IL1RAPL2: variants seen among roughly 807,000 people sequenced by gnomAD.
IL1RAPL2 encodes the protein X-linked interleukin-1 receptor accessory protein-like 2.
In IL1RAPL2, 3 loss-of-function variants were observed where a neutral mutation model predicts 44.1. The observed-to-expected ratio is 0.07, with a 90% CI of 0.03 to 0.18. The LOEUF (loss-of-function observed/expected upper bound fraction) is 0.18, where lower values mean the gene tolerates loss of function less well. IL1RAPL2 is among the 10% of genes least tolerant of loss of function. The pLI, the probability that IL1RAPL2 is intolerant of heterozygous loss-of-function variation, is 1.00. For missense variants in IL1RAPL2, 391 were observed against 496.4 expected, an observed-to-expected ratio of 0.79 and a Z score of 2.02; for synonymous variants, 181 against 178.8, an observed-to-expected ratio of 1.01 and a Z score of -0.10.
intron 2 of IL1RAPL2, among the ~76,000 whole-genome samples, chrX:105,058,132 C>T (rs2032022419): frequency 9.2e-6 from 1 of 109,284 alleles, no homozygotes; most frequent in African/African-American, 3.3e-5. Context: ...TTTGTATTTT[C>T]AGTAGAGATG....
At chrX:105,727,931 CAG>C (rs2038365818) in intron 7 of IL1RAPL2, among the ~76,000 whole-genome samples, 1 of 111,317 alleles carries the variant, frequency 9.0e-6, no homozygotes, top group African/African-American at 3.3e-5. Context: ...GTGGAAAGTA[CAG>C]AGTTCCCACA....
chrX:104,784,253 G>C (rs768605003), intron 2 of IL1RAPL2, among the ~76,000 whole-genome samples: 3 of 112,251 alleles, frequency 2.7e-5, no homozygotes, highest in Non-Finnish European at 5.6e-5. Context: ...GCAGCAGTGG[G>C]TTGTGTTATA....
At chrX:105,227,153 A>C (rs1274054306) in intron 3 of IL1RAPL2, among the ~76,000 whole-genome samples, 2 of 109,125 alleles carry the variant, frequency 1.8e-5, no homozygotes, top group African/African-American at 6.7e-5. Context: ...GCACACCAGC[A>C]TGGCACATGT....
In IL1RAPL2 at chrX:104,821,124, A is replaced by G. The variant is rs186567770; in HGVS notation, c.82+162129A>G. Reference sequence around the variant, plus strand: ...CACCAATTGCATTATATCTCTTCTGAAAACAATTAATATGACAACTTGTAA... The same window carrying G: ...CACCAATTGCATTATATCTCTTCTGGAAACAATTAATATGACAACTTGTAA... On this transcript the variant is annotated intron_variant, in intron 2 of 10. Coordinates refer to ENST00000372582, the MANE Select transcript of IL1RAPL2 (RefSeq NM_017416.2). 4.4e-3 allele frequency among the ~76,000 whole-genome samples: 490 copies of G among 112,354 alleles called. 1 individual carries two copies. Among genetic ancestry groups the G allele is most frequent in the African/African-American group, 0.015 (458 of 30,973 alleles).
chrX:104,697,279 G>A (rs1298533126), intron 2 of IL1RAPL2, among the ~76,000 whole-genome samples: 1 of 112,219 alleles, frequency 8.9e-6, no homozygotes, highest in Non-Finnish European at 1.9e-5. Context: ...TAGGATTTTG[G>A]TATATGTCAC....
At chrX:105,235,340 A>T (rs1431338094) in intron 4 of IL1RAPL2, among the ~76,000 whole-genome samples, 1 of 111,897 alleles carries the variant, frequency 8.9e-6, no homozygotes, top group East Asian at 2.8e-4. Context: ...ACAGCAATTG[A>T]CACACTGAAG....
intron 4 of IL1RAPL2, among the ~76,000 whole-genome samples, chrX:105,247,631 G>A (rs2034232506): frequency 9.2e-6 from 1 of 108,170 alleles, no homozygotes; most frequent in African/African-American, 3.4e-5. Flanking sequence ...GTGTGTGTGT[G>A]TGTGTGTGTG....
chrX:105,444,175 C>T (rs1368112359), intron 5 of IL1RAPL2, among the ~76,000 whole-genome samples: 2 of 111,911 alleles, frequency 1.8e-5, no homozygotes, highest in African/African-American at 6.5e-5. Context: ...CTTTGGCCAA[C>T]TTTTAATCAG....
At chrX:105,215,695 G>C (rs1179942872) in intron 3 of IL1RAPL2, among the ~76,000 whole-genome samples, 1 of 111,295 alleles carries the variant, frequency 9.0e-6, no homozygotes, top group Non-Finnish European at 1.9e-5. Context: ...GAAGAACATC[G>C]ATGTGAAAAT....
chrX:104,770,883 C>T (rs775504238), intron 2 of IL1RAPL2, among the ~76,000 whole-genome samples: 3 of 111,716 alleles, frequency 2.7e-5, no homozygotes, highest in Non-Finnish European at 5.6e-5. Flanking sequence ...CTGATCTTCT[C>T]CTTCCTCCCA....
chrX:105,606,309 A>G (rs745425078), intron 6 of IL1RAPL2, among the ~76,000 whole-genome samples: 96 of 111,882 alleles, frequency 8.6e-4, no homozygotes, highest in African/African-American at 2.9e-3. Context: ...AAAGCGCTCA[A>G]CATCACTGAT....
chrX:104,822,612 T>C (rs932412124), intron 2 of IL1RAPL2, among the ~76,000 whole-genome samples: 1 of 112,014 alleles, frequency 8.9e-6, no homozygotes, highest in African/African-American at 3.3e-5. Flanking sequence ...GGTCTATATA[T>C]CTGTTTTGGT....
intron 2 of IL1RAPL2, among the ~76,000 whole-genome samples, chrX:105,009,347 C>G (rs1442173225): frequency 1.8e-5 from 2 of 109,924 alleles, no homozygotes; most frequent in African/African-American, 6.7e-5. Context: ...TTGGAACCAA[C>G]CCAAATGTCC....
At chrX:104,823,867 C>T (rs1429768382) in intron 2 of IL1RAPL2, among the ~76,000 whole-genome samples, 2 of 112,057 alleles carry the variant, frequency 1.8e-5, no homozygotes, top group Admixed American at 9.5e-5. Context: ...TTCCTATTTG[C>T]ATACCGTTTA....
intron 2 of IL1RAPL2, among the ~76,000 whole-genome samples, chrX:105,024,536 G>A (rs1362239811): frequency 9.0e-6 from 1 of 111,683 alleles, no homozygotes; most frequent in Non-Finnish European, 1.9e-5. Context: ...TTCAGAAACA[G>A]GTGAGGACTG....
chrX:105,148,173 A>G (rs1431906962), intron 2 of IL1RAPL2, among the ~76,000 whole-genome samples: 1 of 111,440 alleles, frequency 9.0e-6, no homozygotes, highest in Non-Finnish European at 1.9e-5. Flanking sequence ...GAGTGATGAA[A>G]CACTCTTCTC....
chrX:104,867,079 C>G lies in IL1RAPL2; in HGVS notation c.82+208084C>G, dbSNP rs375219466. ...TGAAACCCCGTCTTTACTAAAAATA[C>G]AAAAAAAATTAGCCGGGCACAGTGG... On this transcript the variant is annotated intron_variant, in intron 2 of 10. Coordinates refer to ENST00000372582, the MANE Select transcript of IL1RAPL2 (RefSeq NM_017416.2). Among the ~76,000 whole-genome samples the G allele has an allele frequency of 8.4e-5, 9 of 107,372 alleles. 1 individual carries two copies. Among genetic ancestry groups the G allele is most frequent in the Non-Finnish European group, 1.5e-4 (8 of 51,979 alleles). The allele number at this position is 107,372 out of a possible 115,157, so 93.2% of individuals were successfully genotyped here.
intron 5 of IL1RAPL2, among the ~76,000 whole-genome samples, chrX:105,438,885 C>T (rs1239188800): frequency 9.0e-6 from 1 of 110,785 alleles, no homozygotes; most frequent in Admixed American, 9.7e-5. Flanking sequence ...ACCCAAATCT[C>T]ATGTGGAATT....
intron 5 of IL1RAPL2, among the ~76,000 whole-genome samples, chrX:105,363,314 T>TATATATATA (rs2035267572): frequency 2.3e-5 from 2 of 88,360 alleles, no homozygotes; most frequent in African/African-American, 1.0e-4. Flanking sequence ...ATATAATATA[T>TATATATATA]ATATATATAT....
Sources: gnomAD v4.1 joint callset for allele counts (sites outside exome capture counted in the v4.1 genomes callset) on GRCh38, gnomAD v4.1.1 for gene constraint, MANE v1.5 for transcripts, NCBI Gene and HGNC (gene_info 2026-07-23, HGNC 2026-07-21) for gene names.